Variants in KLHL3 observed in about 807,000 individuals in gnomAD.
KLHL3 encodes kelch like family member 3, also known as kelch-like protein 3.
KLHL3 carries 19 observed loss-of-function variants against 70.5 expected under a neutral mutation model. That is an observed-to-expected ratio of 0.27 (90% CI 0.19 to 0.40). The LOEUF (loss-of-function observed/expected upper bound fraction) is 0.40, where lower values mean the gene tolerates loss of function less well. Ranked by LOEUF, KLHL3 falls within the 10% of genes least tolerant of loss-of-function variation. The probability of loss-of-function intolerance (pLI) is 1.00; values close to 1 mark genes in which losing one functional copy is unlikely to be tolerated. For synonymous variants in KLHL3, 258 were observed against 290.3 expected, an observed-to-expected ratio of 0.89 and a Z score of 1.13; for missense variants, 512 against 771.1, an observed-to-expected ratio of 0.66 and a Z score of 3.98.
intron 8 of KLHL3, among the ~76,000 whole-genome samples, chr5:137,655,984 C>T (rs142933119): frequency 9.6e-6 from 1 of 104,558 alleles, no homozygotes; most frequent in Non-Finnish European, 1.8e-5. Context: ...GAACAAGACT[C>T]TGCCTCAAGA....
intron 2 of KLHL3, among the ~76,000 whole-genome samples, chr5:137,712,877 G>A (rs1752821022): frequency 6.6e-6 from 1 of 152,010 alleles, no homozygotes; most frequent in South Asian, 2.1e-4. Context: ...ATAATGCATA[G>A]TGCTAATAGT....
In KLHL3 at chr5:137,625,815, T is replaced by C. The variant is rs199533740; in HGVS notation, c.1673A>G (p.Asn558Ser). The change falls in exon 14 of 15, where the codon AAT (asparagine) becomes AGT (serine). Residue 558 changes from asparagine to serine, a missense_variant. Transcript: ENST00000309755. Reference protein sequence around the residue: ...SCNLASVEYYNPVTDKWTLLP... With the variant: ...SCNLASVEYYSPVTDKWTLLP... ...CAGCGTCCATTTGTCAGTGACAGGA[T>C]TGTAGTACTCCACCGAAGCCAAGTT... 1.9e-5 allele frequency: 31 copies of C among 1,614,104 alleles called. 1 individual carries two copies. The South Asian group carries it at 3.0e-4, about 15-fold the overall frequency.
At position 137,661,939 on chromosome 5, in the gene KLHL3, G is replaced by C; in HGVS notation, c.729C>G (p.Leu243=). Residue 243 remains leucine, a synonymous_variant, in exon 7 of 15, where the codon CTC becomes CTG. Transcript: ENST00000309755. ...CTTGGACTAGGTAGTCCCTAGGTAA[G>C]AGAGGAAGTCGGACATGTTCCATCA... is the stretch of plus-strand genomic sequence containing the variant. ...AKLMEHVRLP[L]LPRDYLVQTV... 2 of 1,607,900 alleles carry C rather than the reference G, an allele frequency of 1.2e-6. No homozygotes were observed. The highest frequency in any genetic ancestry group is 2.2e-5 in the East Asian group (1 of 44,844).
intron 7 of KLHL3, chr5:137,660,753 G>A (rs1751453008): frequency 6.6e-6 from 1 of 152,178 alleles, no homozygotes; most frequent in Non-Finnish European, 1.5e-5. Context: ...AGTAAGATCA[G>A]TAACATTCAC....
chr5:137,627,088 C>CTTATAA (rs1358831144), intron 13 of KLHL3, among the ~76,000 whole-genome samples: 3 of 151,910 alleles, frequency 2.0e-5, no homozygotes, highest in Non-Finnish European at 2.9e-5. Flanking sequence ...TTTATAATCA[C>CTTATAA]TCAAGTATTA....
chr5:137,627,206 T>C (rs1458182525), intron 13 of KLHL3, among the ~76,000 whole-genome samples: 1 of 152,214 alleles, frequency 6.6e-6, no homozygotes, highest in Non-Finnish European at 1.5e-5. Context: ...TTTAGTGTTG[T>C]AATAAGACGT....
At chr5:137,725,249 C>T (rs1431437620) in intron 1 of KLHL3, among the ~76,000 whole-genome samples, 1 of 152,104 alleles carries the variant, frequency 6.6e-6, no homozygotes, top group Non-Finnish European at 1.5e-5. Flanking sequence ...ACTTTTCACC[C>T]TACCCAGACC....
intron 4 of KLHL3, among the ~76,000 whole-genome samples, chr5:137,696,726 G>A (rs2967803): frequency 0.78 from 118,386 of 151,670 alleles, 46,419 homozygotes; most frequent in East Asian, 0.98. Flanking sequence ...CTATGTGACC[G>A]TGGCAGTTTA....
intron 12 of KLHL3, chr5:137,628,658 A>T: frequency 2.3e-6 from 1 of 441,948 alleles, no homozygotes; most frequent in Non-Finnish European, 4.0e-6. Context: ...AATATAATGC[A>T]AATGTGACCC....
chr5:137,671,940 C>CA (rs1332351464), intron 6 of KLHL3: 1 of 151,966 alleles, frequency 6.6e-6, no homozygotes, highest in Non-Finnish European at 1.5e-5. Context: ...GAACTTACTT[C>CA]AATACAAACT....
intron 4 of KLHL3, 70 bp downstream of exon 4, chr5:137,698,217 T>A (rs41298966): frequency 0.025 from 39,607 of 1,578,628 alleles, 594 homozygotes; most frequent in Middle Eastern, 0.049. Context: ...GAGGGTTAAA[T>A]AAAATAACGC....
chr5:137,690,205 T>C (rs897334588), intron 5 of KLHL3, among the ~76,000 whole-genome samples: 1 of 152,046 alleles, frequency 6.6e-6, no homozygotes, highest in Non-Finnish European at 1.5e-5. Flanking sequence ...CAGGCGCCTG[T>C]AGTCCCAGCT....
chr5:137,696,437 C>T (rs1314625086), intron 4 of KLHL3, among the ~76,000 whole-genome samples: 1 of 152,250 alleles, frequency 6.6e-6, no homozygotes, highest in Non-Finnish European at 1.5e-5. Context: ...CAACTGAGGA[C>T]AAATTACTTA....
intron 11 of KLHL3, among the ~76,000 whole-genome samples, chr5:137,634,555 G>A (rs75247759): frequency 6.6e-6 from 1 of 152,322 alleles, no homozygotes; most frequent in East Asian, 1.9e-4. Flanking sequence ...CTATAGGCAG[G>A]CAGACCATCT....
intron 6 of KLHL3, among the ~76,000 whole-genome samples, chr5:137,666,150 T>C (rs1015405406): frequency 2.6e-5 from 4 of 152,188 alleles, no homozygotes; most frequent in African/African-American, 9.7e-5. Context: ...TCAAATATTT[T>C]TTAAGTGAAT....
chr5:137,677,205 G>T (rs564824785), intron 6 of KLHL3, among the ~76,000 whole-genome samples: 1 of 152,250 alleles, frequency 6.6e-6, no homozygotes, highest in East Asian at 1.9e-4. Context: ...CCAGCATTTT[G>T]GGAGGCTGAG....
intron 13 of KLHL3, 84 bp from the exon 14 acceptor site, chr5:137,625,980 C>T: frequency 6.5e-7 from 1 of 1,536,920 alleles, no homozygotes; most frequent in Non-Finnish European, 8.9e-7. Context: ...ATCTGGATAG[C>T]CTGGGAGGCT....
Position 137,720,542 on chromosome 5 carries a change from A to C in KLHL3, c.57T>G (p.Asp19Glu). 1 of 1,614,116 alleles carries C rather than the reference A, an allele frequency of 6.2e-7. No homozygotes were observed. Among genetic ancestry groups the C allele is most frequent in the Non-Finnish European group, 8.5e-7 (1 of 1,179,986 alleles). ...CAGTGATCGTCCTCTGGTTCTTCTC[A>C]TCATCCCCAGCCTGTATCAGAGTCT... ...SSQTLIQAGDDEKNQRTITVN... is the reference protein window; with the variant it reads ...SSQTLIQAGDEEKNQRTITVN... The change falls in exon 2 of 15, where the codon GAT becomes GAG. Residue 19 changes from aspartate to glutamate, a missense_variant. By Grantham distance (45) the Asp-to-Glu change is conservative. Coordinates refer to ENST00000309755, the MANE Select transcript of KLHL3 (RefSeq NM_017415.3).
intron 8 of KLHL3, among the ~76,000 whole-genome samples, chr5:137,649,755 T>C (rs191949528): frequency 5.1e-4 from 78 of 152,362 alleles, no homozygotes; most frequent in African/African-American, 1.6e-3. Flanking sequence ...ATAACAAATA[T>C]AAGTCACTTA....
Sources: allele counts gnomAD v4.1 joint callset (sites outside exome capture counted in the v4.1 genomes callset), GRCh38; gene constraint gnomAD v4.1.1; transcripts MANE v1.5; gene names NCBI Gene and HGNC (gene_info 2026-07-23, HGNC 2026-07-21).